PLCE1: variants seen among roughly 807,000 people sequenced by gnomAD.
PLCE1 encodes the protein phospholipase C epsilon 1, also known as 1-phosphatidylinositol 4,5-bisphosphate phosphodiesterase epsilon-1.
In PLCE1, 119 loss-of-function variants were observed where a neutral mutation model predicts 242.8. The ratio of observed to expected loss-of-function variants is 0.49; its 90% CI spans 0.42 to 0.57. PLCE1 has a LOEUF of 0.57. Among genes scored for constraint, PLCE1 ranks in the 20% least tolerant of loss-of-function variants. PLCE1 has a pLI of 0.00. For synonymous variants in PLCE1, 945 were observed against 1,017.4 expected (o/e 0.93, Z 1.35); for missense variants, 2,441 against 2,788.8 (o/e 0.88, Z 2.81).
At chr10:94,008,781 C>A (rs372463851) in intron 1 of PLCE1, among the ~76,000 whole-genome samples, 1 of 152,282 alleles carries the variant, frequency 6.6e-6, no homozygotes, top group African/African-American at 2.4e-5. Context: ...TCTGGGGCAA[C>A]AAGAGGCACA....
intron 2 of PLCE1, among the ~76,000 whole-genome samples, chr10:94,033,190 C>A (rs2061596740): frequency 6.6e-6 from 1 of 151,860 alleles, no homozygotes; most frequent in South Asian, 2.1e-4. Context: ...AGTTCTGGAA[C>A]CAGTTCCTCT....
intron 14 of PLCE1, among the ~76,000 whole-genome samples, chr10:94,263,649 A>T (rs536514394): frequency 2.0e-5 from 3 of 152,196 alleles, no homozygotes; most frequent in Non-Finnish European, 1.5e-5. Flanking sequence ...AGCTAAGATC[A>T]CACCACCGCA....
chr10:94,230,657 C>A (rs1366612862), intron 5 of PLCE1, among the ~76,000 whole-genome samples: 3 of 151,982 alleles, frequency 2.0e-5, no homozygotes, highest in Non-Finnish European at 4.4e-5. Flanking sequence ...GTCACCCAGG[C>A]TGGAGTGCAG....
chr10:94,192,142 T>C (rs72814615), intron 4 of PLCE1, among the ~76,000 whole-genome samples: 1 of 152,362 alleles, frequency 6.6e-6, no homozygotes, highest in Non-Finnish European at 1.5e-5. Flanking sequence ...CTCAAATGCT[T>C]ATCACTTTTA....
chr10:94,183,429 A>G (rs934252993), intron 4 of PLCE1, among the ~76,000 whole-genome samples: 1 of 152,110 alleles, frequency 6.6e-6, no homozygotes, highest in Non-Finnish European at 1.5e-5. Context: ...CATCTCAAAT[A>G]TGGCCAAAAT....
rs1229482615 is a variant in PLCE1, at chr10:94,324,924, T to C, written c.6753T>C (p.Ser2251=). 1 of 1,614,210 alleles carries C rather than the reference T, an allele frequency of 6.2e-7. No individual in the cohort carries two copies. The highest frequency in any genetic ancestry group is 2.2e-5 in the East Asian group (1 of 44,884). The part of the protein sequence containing the change: ...ASREDKKKGI[S]FASELKKLTK... ...GAGAAGATAAAAAGAAAGGCATTTC[T>C]TTCGCAAGTGAACTCAAGAAGCTCA... The change falls in exon 32 of 33, where the codon TCT becomes TCC. Residue 2251 remains serine (S), a synonymous_variant. Transcript: ENST00000371380.
chr10:94,058,739 G>A (rs571125604), intron 2 of PLCE1, among the ~76,000 whole-genome samples: 1 of 152,078 alleles, frequency 6.6e-6, no homozygotes, highest in African/African-American at 2.4e-5. Flanking sequence ...ATGGTGATGG[G>A]GACTTAATTA....
intron 29 of PLCE1, among the ~76,000 whole-genome samples, chr10:94,319,315 T>A (rs561668869): frequency 6.6e-6 from 1 of 152,158 alleles, no homozygotes; most frequent in Non-Finnish European, 1.5e-5. Flanking sequence ...CAAATAATAA[T>A]TGCTGATTGA....
intron 24 of PLCE1, among the ~76,000 whole-genome samples, chr10:94,300,374 G>C (rs1407778652): frequency 1.3e-5 from 2 of 152,218 alleles, no homozygotes; most frequent in African/African-American, 2.4e-5. Flanking sequence ...AGTTGGGATT[G>C]AGAGTACGTC....
rs1348078595 is a variant in PLCE1 at position 94,330,422 on chromosome 10, G to GT, written c.*2480dup. On this transcript the variant is annotated 3_prime_UTR_variant, in exon 33 of 33. Coordinates refer to ENST00000371380, the MANE Select transcript of PLCE1 (RefSeq NM_016341.4). ...TGGCTGGGCACAGTGGCTCATGCCT[G>GT]TAATCCCAACACTCTGGGAGGCTGA... 6.6e-6 allele frequency: 1 copy of GT among 152,258 alleles called. No individual in the cohort carries two copies. The highest frequency in any genetic ancestry group is 2.4e-5 in the African/African-American group (1 of 41,460). The allele number at this position is 152,258 out of a possible 1,614,324, so 9.4% of individuals were successfully genotyped here.
At chr10:94,297,042 A>G (rs1292350455) in intron 23 of PLCE1, among the ~76,000 whole-genome samples, 1 of 151,682 alleles carries the variant, frequency 6.6e-6, no homozygotes, top group Non-Finnish European at 1.5e-5. Flanking sequence ...TAATTTTTGT[A>G]TTTTTAGTAG....
intron 3 of PLCE1, among the ~76,000 whole-genome samples, chr10:94,147,766 A>T (rs1465728646): frequency 6.6e-6 from 1 of 152,232 alleles, no homozygotes; most frequent in East Asian, 1.9e-4. Context: ...GTGTGATCTG[A>T]ACTATCATGG....
At chr10:94,253,900 T>A (rs1185191061) in intron 9 of PLCE1, among the ~76,000 whole-genome samples, 1 of 152,250 alleles carries the variant, frequency 6.6e-6, no homozygotes, top group Non-Finnish European at 1.5e-5. Flanking sequence ...TTGATGCTCA[T>A]GTCAAATTTT....
chr10:94,203,031 C>T (rs539722138), intron 4 of PLCE1, among the ~76,000 whole-genome samples: 1 of 152,294 alleles, frequency 6.6e-6, no homozygotes, highest in South Asian at 2.1e-4. Flanking sequence ...TTCTGCAAGC[C>T]AGCATGGTGC....
At chr10:94,191,325 C>T (rs999962381) in intron 4 of PLCE1, among the ~76,000 whole-genome samples, 1 of 152,078 alleles carries the variant, frequency 6.6e-6, no homozygotes, top group African/African-American at 2.4e-5. Context: ...ACAGAAAAAC[C>T]ATGTTGTACA....
intron 11 of PLCE1, among the ~76,000 whole-genome samples, chr10:94,255,914 A>ACTCTCTCTCTCTCTCTCTCTCT (rs111704161): frequency 1.5e-5 from 1 of 67,286 alleles, no homozygotes; most frequent in Non-Finnish European, 2.8e-5. Flanking sequence ...ACACACACAC[A>ACTCTCTCTCTCTCTCTCTCTCT]CTCTCTCTCT....
At chr10:94,324,096 A>G (rs2053923518) in intron 30 of PLCE1, among the ~76,000 whole-genome samples, 1 of 152,218 alleles carries the variant, frequency 6.6e-6, no homozygotes, top group Non-Finnish European at 1.5e-5. Flanking sequence ...TGTCTTAAGT[A>G]TAAGCTTCCT....
chr10:94,030,919 C>A lies in PLCE1; in HGVS notation c.-128C>A. The A allele has an allele frequency of 1.1e-6, 1 of 885,042 alleles. No individual in the cohort carries two copies. Among genetic ancestry groups the A allele is most frequent in the Non-Finnish European group, 1.9e-6 (1 of 529,466 alleles). The allele number at this position is 885,042 out of a possible 1,614,324, so 54.8% of individuals were successfully genotyped here. On this transcript the variant is annotated 5_prime_UTR_variant, in exon 2 of 33. Coordinates refer to ENST00000371380, the MANE Select transcript of PLCE1 (RefSeq NM_016341.4). ...AATGCTCCTGAATGAAAGGAATTATCCCTTTGTTCTTTGGGAGGACTTGTG... is the reference window on the plus strand; with the variant it reads ...AATGCTCCTGAATGAAAGGAATTATACCTTTGTTCTTTGGGAGGACTTGTG...
intron 23 of PLCE1, among the ~76,000 whole-genome samples, chr10:94,297,003 A>G (rs191239240): frequency 6.6e-6 from 1 of 151,958 alleles, no homozygotes; most frequent in African/African-American, 2.4e-5. Flanking sequence ...CCTCCTGAGT[A>G]GCTGCGATGA....
Sources: gnomAD v4.1 joint callset for allele counts (sites outside exome capture counted in the v4.1 genomes callset) on GRCh38, gnomAD v4.1.1 for gene constraint, MANE v1.5 for transcripts, NCBI Gene and HGNC (gene_info 2026-07-23, HGNC 2026-07-21) for gene names.